Variants in HS3ST5 observed in about 807,000 individuals in gnomAD.
The protein encoded by HS3ST5 is heparan sulfate-glucosamine 3-sulfotransferase 5.
In HS3ST5, 10 loss-of-function variants were observed where a neutral mutation model predicts 25.4. That is an observed-to-expected ratio of 0.39 (90% CI 0.24 to 0.67). The LOEUF (loss-of-function observed/expected upper bound fraction) is 0.67. HS3ST5 is among the 30% of genes least tolerant of loss of function. The probability of loss-of-function intolerance (pLI) is 0.44; values close to 1 mark genes in which losing one functional copy is unlikely to be tolerated. For missense variants in HS3ST5, 324 were observed against 420.7 expected (o/e 0.77, Z 2.01); for synonymous variants, 170 against 162.4 (o/e 1.05, Z -0.36).
chr6:114,239,961 A>T (rs1772030336), intron 1 of HS3ST5, among the ~76,000 whole-genome samples: 1 of 151,976 alleles, frequency 6.6e-6, no homozygotes, highest in Non-Finnish European at 1.5e-5. Context: ...TCATCACTGA[A>T]TTCAGCTTAA....
rs550234998 is a variant in HS3ST5, at chr6:114,318,967, A to C, written c.-339+23228T>G. On this transcript the variant is annotated intron_variant, in intron 1 of 4. Transcript: ENST00000312719. ...GACACAAAATGTAGGTATTTCTATC[A>C]TCTTAGCAGTTTTTTGTTTTGCTTT... 2.0e-5 allele frequency among the ~76,000 whole-genome samples: 3 copies of C among 152,304 alleles called. No homozygotes were observed. The East Asian group carries it at 5.8e-4, about 29-fold the overall frequency.
intron 1 of HS3ST5, among the ~76,000 whole-genome samples, chr6:114,301,014 T>C (rs1775050976): frequency 6.6e-6 from 1 of 152,162 alleles, no homozygotes; most frequent in Non-Finnish European, 1.5e-5. Flanking sequence ...TGGGGGAGTC[T>C]GAAAAGTGAC....
chr6:114,315,760 A>G (rs1775721246), intron 1 of HS3ST5, among the ~76,000 whole-genome samples: 1 of 152,224 alleles, frequency 6.6e-6, no homozygotes, highest in South Asian at 2.1e-4. Flanking sequence ...TTCACAGTCT[A>G]GATACCATAT....
chr6:114,293,991 G>T (rs1774700241), intron 1 of HS3ST5, among the ~76,000 whole-genome samples: 1 of 152,210 alleles, frequency 6.6e-6, no homozygotes, highest in Admixed American at 6.5e-5. Context: ...GGAAGCATTG[G>T]CATGACACAA....
rs568067902 is a variant in HS3ST5, at chr6:114,222,160, C to A, written c.-145+6425G>T. Among the ~76,000 whole-genome samples, 4 of 151,966 alleles carry A rather than the reference C, an allele frequency of 2.6e-5. No individual in the cohort carries two copies. In the South Asian group the frequency reaches 6.2e-4, roughly 24 times the overall value. ...GAACAAAGTATAGGATCCGATCTCA[C>A]GTCTCATATCTTGTCATATTGTTTC... On this transcript the variant is annotated intron_variant, in intron 2 of 4. Transcript: ENST00000312719.
chr6:114,286,864 T>A (rs901854406), intron 1 of HS3ST5, among the ~76,000 whole-genome samples: 2 of 152,004 alleles, frequency 1.3e-5, no homozygotes, highest in Non-Finnish European at 2.9e-5. Flanking sequence ...AACTCGCATT[T>A]TTGTCTGCTA....
intron 3 of HS3ST5, among the ~76,000 whole-genome samples, chr6:114,069,558 C>T (rs530524159): frequency 2.2e-5 from 3 of 138,478 alleles, no homozygotes; most frequent in Non-Finnish European, 3.0e-5. Context: ...CTCGCTCTGT[C>T]GCCAGGCTGG....
chr6:114,129,476 C>A (rs551440660), intron 3 of HS3ST5, among the ~76,000 whole-genome samples: 88 of 152,110 alleles, frequency 5.8e-4, no homozygotes, highest in African/African-American at 2.1e-3. Flanking sequence ...AGGATGGTCT[C>A]GATCTCCTGA....
intron 1 of HS3ST5, among the ~76,000 whole-genome samples, chr6:114,269,510 A>G (rs2114696298): frequency 6.6e-6 from 1 of 152,302 alleles, no homozygotes; most frequent in East Asian, 1.9e-4. Flanking sequence ...TTAACCATAA[A>G]ATTTGAAGAA....
At chr6:114,207,785 T>A (rs765904887) in intron 2 of HS3ST5, among the ~76,000 whole-genome samples, 74 of 152,338 alleles carry the variant, frequency 4.9e-4, no homozygotes, top group Admixed American at 1.7e-3. Context: ...TCTATAGTAC[T>A]ATTATACTAT....
intron 1 of HS3ST5, among the ~76,000 whole-genome samples, chr6:114,338,515 TAAGAC>T (rs1776699528): frequency 6.6e-6 from 1 of 152,024 alleles, no homozygotes; most frequent in South Asian, 2.1e-4. Context: ...CAATTAATAG[TAAGAC>T]ACCATAATGG....
chr6:114,324,637 A>G (rs746740130), intron 1 of HS3ST5, among the ~76,000 whole-genome samples: 23 of 152,180 alleles, frequency 1.5e-4, no homozygotes, highest in Non-Finnish European at 3.2e-4. Context: ...ACTTGTTTTT[A>G]TGTTCTTTGC....
At chr6:114,258,101 T>C (rs1213204366) in intron 1 of HS3ST5, among the ~76,000 whole-genome samples, 1 of 152,150 alleles carries the variant, frequency 6.6e-6, no homozygotes, top group Non-Finnish European at 1.5e-5. Context: ...AATCCAAATA[T>C]AAATGGTCTG....
intron 1 of HS3ST5, among the ~76,000 whole-genome samples, chr6:114,244,371 C>T (rs1562250618): frequency 6.6e-6 from 1 of 152,106 alleles, no homozygotes; most frequent in African/African-American, 2.4e-5. Context: ...TTATTCACTG[C>T]CCATATCACT....
intron 1 of HS3ST5, chr6:114,230,298 C>G (rs1003424559): frequency 6.6e-6 from 1 of 151,944 alleles, no homozygotes; most frequent in Non-Finnish European, 1.5e-5. Flanking sequence ...GGAAGACTCT[C>G]ATCTTTGCCT....
chr6:114,233,231 T>C (rs1188539163), intron 1 of HS3ST5, among the ~76,000 whole-genome samples: 4 of 152,326 alleles, frequency 2.6e-5, no homozygotes, highest in African/African-American at 9.6e-5. Context: ...TCTGAATTAC[T>C]TATAAGTATA....
chr6:114,266,732 T>A (rs748007798), intron 1 of HS3ST5, among the ~76,000 whole-genome samples: 1 of 152,188 alleles, frequency 6.6e-6, no homozygotes, highest in South Asian at 2.1e-4. Flanking sequence ...TTGCAAATAA[T>A]ATGTTTGCTC....
At chr6:114,316,068 A>G (rs1328842861) in intron 1 of HS3ST5, among the ~76,000 whole-genome samples, 4 of 152,170 alleles carry the variant, frequency 2.6e-5, no homozygotes, top group African/African-American at 9.7e-5. Flanking sequence ...TCATGCTGCA[A>G]TCTAACCCTG....
intron 3 of HS3ST5, among the ~76,000 whole-genome samples, chr6:114,079,949 T>A (rs1294022428): frequency 5.3e-5 from 8 of 151,760 alleles, no homozygotes; most frequent in African/African-American, 1.9e-4. Context: ...CTAATTTTGT[T>A]TTTTTTTAGT....
Sources: allele counts gnomAD v4.1 joint callset (sites outside exome capture counted in the v4.1 genomes callset), GRCh38; gene constraint gnomAD v4.1.1; transcripts MANE v1.5; gene names NCBI Gene and HGNC (gene_info 2026-07-23, HGNC 2026-07-21).